SHOX: variants seen among roughly 807,000 people sequenced by gnomAD.
SHOX encodes the protein short stature homeobox protein.
SHOX carries 12 observed loss-of-function variants against 29.6 expected under a neutral mutation model. The ratio of observed to expected loss-of-function variants is 0.41; its 90% CI spans 0.26 to 0.66. The LOEUF (loss-of-function observed/expected upper bound fraction) is 0.66, where lower values mean the gene tolerates loss of function less well. Ranked by LOEUF, SHOX falls within the 30% of genes least tolerant of loss-of-function variation. The pLI, the probability that SHOX is intolerant of heterozygous loss-of-function variation, is 0.35. For synonymous variants in SHOX, 214 were observed against 200.6 expected (o/e 1.07, Z -0.57); for missense variants, 499 against 437.7 (o/e 1.14, Z -1.25).
upstream of SHOX, among the ~76,000 whole-genome samples, chrX:626,577 G>GTCTCTGTCTCTCTCTCTCCTC (rs1569492214): frequency 1.8e-3 from 28 of 15,958 alleles, no homozygotes; most frequent in African/African-American, 6.8e-3. Flanking sequence ...GTCTCTGTCT[G>GTCTCTGTCTCTCTCTCTCCTC]TATCTCTGTC....
At chrX:633,260 C>G (rs1213777310) in intron 1 of SHOX, among the ~76,000 whole-genome samples, 1 of 152,138 alleles carries the variant, frequency 6.6e-6, no homozygotes, top group Non-Finnish European at 1.5e-5. Context: ...TCTGCAAAGC[C>G]TGCGGGTGTT....
chrX:625,535 GTC>G (rs1316037740), intron 1 of SHOX, among the ~76,000 whole-genome samples: 2 of 151,280 alleles, frequency 1.3e-5, no homozygotes, highest in Admixed American at 1.3e-4. Flanking sequence ...CTGTATCTCT[GTC>G]TCTCTCTTTC....
rs1385921119 is a variant in SHOX at position 649,813 on chromosome X, A to C, written c.*5177A>C. 8 of 430,450 alleles carry C rather than the reference A, an allele frequency of 1.9e-5. No individual in the cohort carries two copies. The highest frequency in any genetic ancestry group is 3.3e-5 in the Non-Finnish European group (7 of 214,900). The allele number at this position is 430,450 out of a possible 1,614,324, so 26.7% of individuals were successfully genotyped here. A position where few individuals can be genotyped will look rare whatever the true frequency, so the allele number is the denominator to read the frequency against. ...TCCTCTCCCCAAAACTTGGCCAAAT[A>C]GTCCGTGGAGGGTTGTCAGTCGCCG... On this transcript the variant is annotated 3_prime_UTR_variant, in exon 5 of 5. Transcript: ENST00000686671.
rs761041655 is a variant in SHOX at position 647,266 on chromosome X, A to G, written c.*2630A>G. Among the ~76,000 whole-genome samples, 649 of 127,610 alleles carry G rather than the reference A, an allele frequency of 5.1e-3. 3 individuals are homozygous for G. Among genetic ancestry groups the G allele is most frequent in the Non-Finnish European group, 8.4e-3 (509 of 60,822 alleles). The allele number at this position is 127,610 out of a possible 152,430, so 83.7% of individuals were successfully genotyped here. ...TAACTTTCTGGTATTTTTAGTAGAG[A>G]CAGGGTTTCAGCCTCCCGAGTAGCT... On this transcript the variant is annotated 3_prime_UTR_variant, in exon 5 of 5. Transcript: ENST00000686671.
intron 1 of SHOX, chrX:631,794 A>G: frequency 2.4e-6 from 1 of 425,366 alleles, no homozygotes; most frequent in East Asian, 7.3e-5. Context: ...GGCCTCCCAA[A>G]GTGCTGGGAT....
chrX:635,052 T>C (rs1301745209), intron 2 of SHOX, among the ~76,000 whole-genome samples: 1 of 152,008 alleles, frequency 6.6e-6, no homozygotes, highest in Admixed American at 6.6e-5. Flanking sequence ...CAAATATATA[T>C]ACATATATAT....
Position 644,302 on chromosome X carries a change from G to T in SHOX, c.634-89G>T, listed in dbSNP as rs377485584. 2.5e-5 allele frequency: 35 copies of T among 1,414,880 alleles called. No homozygotes were observed. In the African/African-American group the frequency reaches 4.3e-4, roughly 17 times the overall value. The allele number at this position is 1,414,880 out of a possible 1,614,324, so 87.6% of individuals were successfully genotyped here. ...GGGCGACGCTCCCTAGGGGAGAAGAGGCACGTTGGAGGTTTCCGGGGGCGC... is the reference window on the plus strand; with the variant it reads ...GGGCGACGCTCCCTAGGGGAGAAGATGCACGTTGGAGGTTTCCGGGGGCGC... On this transcript the variant is annotated intron_variant, in intron 4 of 4. Transcript: ENST00000686671.
rs2053024767 is a variant in SHOX, at chrX:649,720, T to G, written c.*5084T>G. Among the ~76,000 whole-genome samples, 1 of 152,122 alleles carries G rather than the reference T, an allele frequency of 6.6e-6. No individual in the cohort carries two copies. The highest frequency in any genetic ancestry group is 2.4e-5 in the African/African-American group (1 of 41,448). ...ATCCGTACCAGCTCCAGCACACTGATAGGAACACGTTGCTGGCCGAACTGA... is the reference window on the plus strand; with the variant it reads ...ATCCGTACCAGCTCCAGCACACTGAGAGGAACACGTTGCTGGCCGAACTGA... On this transcript the variant is annotated 3_prime_UTR_variant, in exon 5 of 5. Transcript: ENST00000686671.
intron 1 of SHOX, among the ~76,000 whole-genome samples, chrX:624,870 C>CT (rs1556451662): frequency 2.9e-3 from 142 of 49,774 alleles, no homozygotes; most frequent in African/African-American, 0.016. Context: ...TCTTTTCTTT[C>CT]TTTCTTTCTT....
At chrX:624,746 C>CTTTTCTTTT in intron 1 of SHOX, 1 of 49,112 alleles carries the variant, frequency 2.0e-5, no homozygotes, top group African/African-American at 9.0e-5. Flanking sequence ...TCTTTTCTTT[C>CTTTTCTTTT]TTCCTTTCAC....
rs1044978354 is a variant in SHOX at position 631,103 on chromosome X, A to T, written c.206A>T (p.His69Leu). 2 of 1,613,606 alleles carry T rather than the reference A, an allele frequency of 1.2e-6. No homozygotes were observed. Among genetic ancestry groups the T allele is most frequent in the African/African-American group, 1.3e-5 (1 of 74,932 alleles). Reference sequence around the variant, plus strand: ...GAGGGCGGCGGCCACTGCCCGGTGCATTTGTTCAAGGACCACGTAGACAAT... The same window carrying T: ...GAGGGCGGCGGCCACTGCCCGGTGCTTTTGTTCAAGGACCACGTAGACAAT... ...ITEGGGHCPV[H>L]LFKDHVDNDK... The change falls in exon 1 of 5, where the codon CAT becomes CTT. Residue 69 changes from histidine (H) to leucine (L), a missense_variant. By Grantham distance (99) the His-to-Leu change is moderately conservative. Coordinates refer to ENST00000686671, the MANE Select transcript of SHOX (RefSeq NM_000451.4).
chrX:644,304 C>G, intron 4 of SHOX, 87 bp from the exon 5 acceptor site: 1 of 1,415,746 alleles, frequency 7.1e-7, no homozygotes, highest in Non-Finnish European at 9.2e-7. Flanking sequence ...GGAGAAGAGG[C>G]ACGTTGGAGG....
At chrX:633,314 G>C (rs1480578293) in intron 1 of SHOX, among the ~76,000 whole-genome samples, 3 of 152,114 alleles carry the variant, frequency 2.0e-5, no homozygotes, top group Non-Finnish European at 4.4e-5. Context: ...TCAATTCCTG[G>C]GGTTCAGACT....
intron 1 of SHOX, among the ~76,000 whole-genome samples, chrX:633,463 G>C (rs2052683764): frequency 6.6e-6 from 1 of 151,190 alleles, no homozygotes; most frequent in Non-Finnish European, 1.5e-5. Context: ...TAAGCGTCCA[G>C]CGCTGAATGT....
upstream of SHOX, among the ~76,000 whole-genome samples, chrX:626,565 C>T (rs2052539952): frequency 5.2e-5 from 1 of 19,146 alleles, no homozygotes; most frequent in Non-Finnish European, 1.0e-4. Flanking sequence ...CTCTTTTTCT[C>T]TGTCTCTGTC....
chrX:641,529 A>C (rs936124454), intron 4 of SHOX, among the ~76,000 whole-genome samples: 2 of 152,002 alleles, frequency 1.3e-5, no homozygotes, highest in Non-Finnish European at 2.9e-5. Context: ...TCTCTACTGA[A>C]AACACAAAGC....
chrX:628,382 C>T (rs1171609324), upstream of SHOX, among the ~76,000 whole-genome samples: 6 of 136,892 alleles, frequency 4.4e-5, no homozygotes, highest in South Asian at 2.5e-4. Context: ...TCTCTCTCTC[C>T]ATCTGTCTGT....
chrX:634,175 T>TG (rs1337100297), intron 1 of SHOX, among the ~76,000 whole-genome samples: 15 of 152,078 alleles, frequency 9.9e-5, no homozygotes, highest in African/African-American at 3.1e-4. Flanking sequence ...GCTGCAGCGG[T>TG]GGGGATAGCG....
At chrX:634,956 A>T in intron 2 of SHOX, 130 bp downstream of exon 2, 1 of 979,244 alleles carries the variant, frequency 1.0e-6, no homozygotes, top group Non-Finnish European at 1.5e-6. Context: ...AGGTTGGGTG[A>T]GGGACGGGCT....
Sources: gnomAD v4.1 joint callset for allele counts (sites outside exome capture counted in the v4.1 genomes callset) on GRCh38, gnomAD v4.1.1 for gene constraint, MANE v1.5 for transcripts, NCBI Gene and HGNC (gene_info 2026-07-23, HGNC 2026-07-21) for gene names.